The following PNPLA7 variants were observed in gnomAD, a reference collection of about 807,000 sequenced individuals.
PNPLA7 encodes patatin-like phospholipase domain-containing protein 7.
In PNPLA7, 153 loss-of-function variants were observed where a neutral mutation model predicts 161.7. The ratio of observed to expected loss-of-function variants is 0.95; its 90% CI spans 0.83 to 1.08. The LOEUF is 1.08. Among genes scored for constraint, PNPLA7 ranks in the 50% least tolerant of loss-of-function variants. PNPLA7 has a pLI of 0.00. For missense variants in PNPLA7, 1,739 were observed against 1,856.6 expected (o/e 0.94, Z 1.16); for synonymous variants, 809 against 782.1 (o/e 1.03, Z -0.57).
chr9:137,523,633 T>G lies in PNPLA7; in HGVS notation c.748-776A>C, dbSNP rs1835148443. On this transcript the variant is annotated intron_variant, in intron 8 of 34. Coordinates refer to ENST00000406427, the MANE Select transcript of PNPLA7 (RefSeq NM_001098537.3). The surrounding 1 kb of genome is among the most constrained non-coding windows in gnomAD (Gnocchi z 4.4). ...GTCACCTGCCTGCAGAGACAGATTT[T>G]TTTTTTTTTTTGAGACAGAGTCTCG... Among the ~76,000 whole-genome samples, 1 of 149,694 alleles carries G rather than the reference T, an allele frequency of 6.7e-6. No homozygotes were observed. The highest frequency in any genetic ancestry group is 2.5e-5 in the African/African-American group (1 of 40,532).
chr9:137,542,242 G>C (rs550617504), intron 7 of PNPLA7, among the ~76,000 whole-genome samples: 4 of 152,282 alleles, frequency 2.6e-5, no homozygotes, highest in Admixed American at 2.0e-4. Context: ...GACAAGATGG[G>C]AGAATCGCCT....
chr9:137,547,505 G>C lies in PNPLA7; in HGVS notation c.105+80C>G. 1 of 1,593,820 alleles carries C rather than the reference G, an allele frequency of 6.3e-7. No homozygotes were observed. On this transcript the variant is annotated intron_variant, in intron 2 of 34. Transcript: ENST00000406427. The surrounding 1 kb of genome is among the most constrained non-coding windows in gnomAD (Gnocchi z 4.6). ...CCAACCACAGGCTGGGCAGGAATGAGCCAGGGGATGGGGACAGGGAGAGGT... is the reference window on the plus strand; with the variant it reads ...CCAACCACAGGCTGGGCAGGAATGACCCAGGGGATGGGGACAGGGAGAGGT...
Position 137,467,401 on chromosome 9 carries a change from C to T in PNPLA7, c.2955G>A (p.Thr985=), listed in dbSNP as rs757075506. Residue 985 remains threonine (T), a synonymous_variant, in exon 26 of 35, where the codon ACG becomes ACA. Transcript: ENST00000406427. This position sits in a 1 kb window ranked among gnomAD's most constrained non-coding sequence, Gnocchi z 5.1. ...GGGCACCCACGAAGGCCCCGATGGA[C>T]GTGCCTCCCACCATGTCCACAGGGA... ...CGIPVDMVGG[T]SIGAFVGALY... The T allele has an allele frequency of 1.1e-5, 17 of 1,613,238 alleles. No individual in the cohort carries two copies. In the South Asian group the frequency reaches 1.5e-4, roughly 15 times the overall value.
chr9:137,470,774 C>T (rs1374516888), intron 25 of PNPLA7, among the ~76,000 whole-genome samples: 1 of 152,174 alleles, frequency 6.6e-6, no homozygotes, highest in African/African-American at 2.4e-5. Context: ...ATGGGTCTGT[C>T]CCAGGAGCAC....
chr9:137,534,331 G>A (rs1258388054), intron 8 of PNPLA7, among the ~76,000 whole-genome samples: 1 of 151,564 alleles, frequency 6.6e-6, no homozygotes, highest in African/African-American at 2.4e-5. Flanking sequence ...GTCTACTCCA[G>A]GCGGGAGCAC....
At chr9:137,487,705 T>C (rs1030533258) in intron 20 of PNPLA7, among the ~76,000 whole-genome samples, 8 of 152,188 alleles carry the variant, frequency 5.3e-5, no homozygotes, top group African/African-American at 1.9e-4. Context: ...CCTCTGCTCC[T>C]CTGGGGGAAC....
rs35692968 is a variant in PNPLA7, at chr9:137,500,121, CG to C, written c.1757+569del. ...CTGGAGGGGCCAAATCTGAGACTTA[CG>C]GGCTGGGGTCAAGTGGACAGATGTC... On this transcript the variant is annotated intron_variant, in intron 16 of 34. Coordinates refer to ENST00000406427, the MANE Select transcript of PNPLA7 (RefSeq NM_001098537.3). This position sits in a 1 kb window ranked among gnomAD's most constrained non-coding sequence, Gnocchi z 5.5. 0.011 allele frequency among the ~76,000 whole-genome samples: 1,722 copies of C among 152,338 alleles called. 18 individuals are homozygous for C. The highest frequency in any genetic ancestry group is 0.015 in the Non-Finnish European group (995 of 68,022).
rs1277035600 is a variant in PNPLA7, at chr9:137,505,663, G to A, written c.1424C>T (p.Ala475Val). 1 of 1,613,998 alleles carries A rather than the reference G, an allele frequency of 6.2e-7. No homozygotes were observed. The highest frequency in any genetic ancestry group is 1.7e-5 in the Admixed American group (1 of 60,010). The change falls in exon 14 of 35, where the codon GCC becomes GTC. Residue 475 changes from alanine (A) to valine (V), a missense_variant. Ala to Val is a moderately conservative substitution (Grantham distance 64). Coordinates refer to ENST00000406427, the MANE Select transcript of PNPLA7 (RefSeq NM_001098537.3). ...DETLASRKSDAIFRAAKKDLL... is the reference protein window; with the variant it reads ...DETLASRKSDVIFRAAKKDLL... The stretch of plus-strand genomic sequence containing the variant: ...GTCCTTCTTGGCAGCTCTGAAGATG[G>A]CATCCGACTTCCTGCTGGCCAGGGT...
chr9:137,511,146 A>G (rs1342467439), intron 12 of PNPLA7, among the ~76,000 whole-genome samples: 2 of 152,142 alleles, frequency 1.3e-5, no homozygotes, highest in Non-Finnish European at 2.9e-5. Context: ...GGCACCCGTT[A>G]CTTAGTGGAC....
intron 20 of PNPLA7, among the ~76,000 whole-genome samples, chr9:137,487,690 G>T (rs1157942955): frequency 6.6e-6 from 1 of 152,206 alleles, no homozygotes; most frequent in Non-Finnish European, 1.5e-5. Flanking sequence ...TGTTCCTCCT[G>T]GCAGCCTCTG....
chr9:137,501,394 C>T (rs1246949917), intron 15 of PNPLA7, among the ~76,000 whole-genome samples: 1 of 152,240 alleles, frequency 6.6e-6, no homozygotes, highest in Non-Finnish European at 1.5e-5. Context: ...ATGACCTCTT[C>T]CCAATCTGCT....
In PNPLA7 at chr9:137,467,184, G is replaced by T; in HGVS notation, c.3039+133C>A. ...CTTTGCCTCACAAGCTGCACTGGGA[G>T]GCTTCAGGGGGTAGCCTCCTCGAGG... On this transcript the variant is annotated intron_variant, in intron 26 of 34. Coordinates refer to ENST00000406427, the MANE Select transcript of PNPLA7 (RefSeq NM_001098537.3). The surrounding 1 kb of genome is among the most constrained non-coding windows in gnomAD (Gnocchi z 5.1). 1 of 1,255,738 alleles carries T rather than the reference G, an allele frequency of 8.0e-7. No individual in the cohort carries two copies. 77.8% of individuals were successfully genotyped at this position (1,255,738 alleles called of 1,614,324 possible).
chr9:137,480,084 T>A (rs1165337018), intron 23 of PNPLA7, among the ~76,000 whole-genome samples: 1 of 152,246 alleles, frequency 6.6e-6, no homozygotes, highest in Non-Finnish European at 1.5e-5. Flanking sequence ...GGCCGGAGGC[T>A]GCGGCTTCAC....
At chr9:137,503,667 A>G (rs373562995) in intron 14 of PNPLA7, among the ~76,000 whole-genome samples, 1 of 123,072 alleles carries the variant, frequency 8.1e-6, no homozygotes, top group East Asian at 2.7e-4. Context: ...GGAGAAGGGG[A>G]AGGAAGAAGG....
chr9:137,477,059 G>A (rs1436915706), intron 25 of PNPLA7, among the ~76,000 whole-genome samples: 1 of 152,260 alleles, frequency 6.6e-6, no homozygotes, highest in African/African-American at 2.4e-5. Flanking sequence ...CTGCCGGAGA[G>A]GCCCCACCCC....
chr9:137,495,141 C>A lies in PNPLA7; in HGVS notation c.2019G>T (p.Glu673Asp). Residue 673 changes from glutamate to aspartate, a missense_variant, in exon 19 of 35, where the codon GAG becomes GAT. Physicochemically the swap from Glu to Asp is conservative, Grantham distance 45. This residue lies in a region of PNPLA7 where 481 missense variants were observed against 450.0 expected (regional missense o/e 1.07). Coordinates refer to ENST00000406427, the MANE Select transcript of PNPLA7 (RefSeq NM_001098537.3). ...TCGCCCGGGCCTGGTGGGTCAGTGT[C>A]TCCACCTGAGGACAGGAGCCGGCTG... ...YGRGDLVGVV[E>D]TLTHQARATT... 6.3e-7 allele frequency: 1 copy of A among 1,598,090 alleles called. No homozygotes were observed. The highest frequency in any genetic ancestry group is 1.1e-5 in the South Asian group (1 of 90,738).
intron 26 of PNPLA7, among the ~76,000 whole-genome samples, chr9:137,465,506 G>A (rs1831421296): frequency 6.6e-6 from 1 of 152,238 alleles, no homozygotes; most frequent in Non-Finnish European, 1.5e-5. Flanking sequence ...TCTGCCCATG[G>A]CGGGTTCTGT....
chr9:137,480,556 G>A, intron 22 of PNPLA7, 76 bp from the exon 23 acceptor site: 2 of 1,485,248 alleles, frequency 1.3e-6, no homozygotes, highest in Non-Finnish European at 1.8e-6. Context: ...GGGGCAAAGA[G>A]GCAGCAGAGG....
At chr9:137,471,790 A>T (rs1398998856) in intron 25 of PNPLA7, among the ~76,000 whole-genome samples, 1 of 151,994 alleles carries the variant, frequency 6.6e-6, no homozygotes, top group Non-Finnish European at 1.5e-5. Context: ...AATGTTGTCG[A>T]CTAATGATGT....
Sources: gnomAD v4.1 joint callset for allele counts (sites outside exome capture counted in the v4.1 genomes callset) on GRCh38, gnomAD v4.1.1 for gene constraint, gnomAD v4.1.1 regional missense constraint, Gnocchi (gnomAD v3.1) non-coding constraint, MANE v1.5 for transcripts, NCBI Gene and HGNC (gene_info 2026-07-23, HGNC 2026-07-21) for gene names.